The following NIPA1 variants were observed in gnomAD, a reference collection of about 807,000 sequenced individuals.
NIPA1 encodes magnesium transporter NIPA1.
Under a neutral mutation model 23.9 loss-of-function variants are expected in NIPA1, and 13 were observed. That is an observed-to-expected ratio of 0.54 (90% confidence interval 0.35 to 0.87). The LOEUF is 0.87. NIPA1 is among the 40% of genes least tolerant of loss of function. The pLI, the probability that NIPA1 is intolerant of heterozygous loss-of-function variation, is 0.01. For missense variants in NIPA1, 362 were observed against 429.7 expected (o/e 0.84, Z 1.39); for synonymous variants, 234 against 202.9 (o/e 1.15, Z -1.30).
chr15:22,808,593 G>T (rs1895259412), intron 1 of NIPA1, among the ~76,000 whole-genome samples: 1 of 151,952 alleles, frequency 6.6e-6, no homozygotes, highest in Non-Finnish European at 1.5e-5. Flanking sequence ...AGGTGACTCA[G>T]TAAATTTTCA....
At chr15:22,788,967 T>C (rs925898101) in intron 1 of NIPA1, among the ~76,000 whole-genome samples, 2 of 150,264 alleles carry the variant, frequency 1.3e-5, no homozygotes, top group African/African-American at 4.9e-5. Flanking sequence ...ACCTATATAC[T>C]ATGCTTTCAT....
At chr15:22,807,019 A>G (rs1895223753) in intron 1 of NIPA1, among the ~76,000 whole-genome samples, 1 of 152,142 alleles carries the variant, frequency 6.6e-6, no homozygotes, top group African/African-American at 2.4e-5. Flanking sequence ...ATTTTGCCTA[A>G]TACTGGTTTA....
At chr15:22,821,536 C>T (rs1456285859) in intron 4 of NIPA1, among the ~76,000 whole-genome samples, 1 of 151,634 alleles carries the variant, frequency 6.6e-6, no homozygotes, top group Non-Finnish European at 1.5e-5. Context: ...TGGTTTTGTC[C>T]ACACTCGGTG....
rs183901606 is a variant in NIPA1 at position 22,799,587 on chromosome 15, C to T, written c.179-11162C>T. On this transcript the variant is annotated intron_variant, in intron 1 of 4. Transcript: ENST00000337435. ...CACGAGGTCAGGAGATCGAGACCAT[C>T]CTGGCTAACACGGTGAAACCCCATC... Among the ~76,000 whole-genome samples the T allele has an allele frequency of 3.9e-3, 594 of 152,108 alleles. 6 individuals carry two copies. The highest frequency in any genetic ancestry group is 0.013 in the African/African-American group (560 of 41,484).
intron 1 of NIPA1, among the ~76,000 whole-genome samples, chr15:22,800,107 C>T (rs939638229): frequency 5.3e-5 from 8 of 151,826 alleles, no homozygotes; most frequent in East Asian, 1.9e-4. Context: ...AAGCCCAAAC[C>T]CCAGCATTGC....
intron 1 of NIPA1, among the ~76,000 whole-genome samples, chr15:22,794,850 G>A (rs1894908863): frequency 6.6e-6 from 1 of 152,088 alleles, no homozygotes; most frequent in Admixed American, 6.5e-5. Context: ...CCCCTTGTGT[G>A]TCTCCCTGGT....
intron 1 of NIPA1, among the ~76,000 whole-genome samples, chr15:22,805,098 C>G (rs1473136990): frequency 6.6e-6 from 1 of 152,088 alleles, no homozygotes; most frequent in Non-Finnish European, 1.5e-5. Context: ...CCTCAGCCTC[C>G]CAAAGTGCTG....
At position 22,825,309 on chromosome 15, in the gene NIPA1, G is replaced by C. The variant is rs1402758010; in HGVS notation, c.*1070G>C. On this transcript the variant is annotated 3_prime_UTR_variant, in exon 5 of 5. Coordinates refer to ENST00000337435, the MANE Select transcript of NIPA1 (RefSeq NM_144599.5). ...AAACTATGGTATTACAATGTTATGGGACCACCGTCATGTAAGTGGTATGTC... is the reference window on the plus strand; with the variant it reads ...AAACTATGGTATTACAATGTTATGGCACCACCGTCATGTAAGTGGTATGTC... 1 of 152,172 alleles carries C rather than the reference G, an allele frequency of 6.6e-6. No homozygotes were observed. Among genetic ancestry groups the C allele is most frequent in the East Asian group, 1.9e-4 (1 of 5,192 alleles). 9.4% of individuals were successfully genotyped at this position (152,172 alleles called of 1,614,324 possible).
chr15:22,803,503 C>CT (rs35223839), intron 1 of NIPA1, among the ~76,000 whole-genome samples: 11,880 of 69,548 alleles, frequency 0.17, 2,014 homozygotes, highest in African/African-American at 0.24. Flanking sequence ...TTAAAAGTGC[C>CT]TTTTTTTTTT....
At chr15:22,818,310 C>T (rs1338600213) in intron 3 of NIPA1, among the ~76,000 whole-genome samples, 1 of 151,832 alleles carries the variant, frequency 6.6e-6, no homozygotes, top group East Asian at 1.9e-4. Flanking sequence ...GTGGCACATG[C>T]CTGTAATCCC....
chr15:22,820,723 G>A (rs995089186), intron 4 of NIPA1, among the ~76,000 whole-genome samples: 3 of 151,998 alleles, frequency 2.0e-5, no homozygotes, highest in African/African-American at 7.2e-5. Context: ...GTATTCCTTC[G>A]GGTTCTCTTC....
chr15:22,810,889 C>T lies in NIPA1; in HGVS notation c.226+93C>T, dbSNP rs997449068. 3 of 995,482 alleles carry T rather than the reference C, an allele frequency of 3.0e-6. No individual in the cohort carries two copies. In the African/African-American group the frequency reaches 4.8e-5, roughly 16 times the overall value. 61.7% of individuals were successfully genotyped at this position (995,482 alleles called of 1,614,324 possible). A position where few individuals can be genotyped will look rare whatever the true frequency, so the allele number is the denominator to read the frequency against. ...CTGGAGTGGCTGGGCTAGGGTGGCTCTGTTCTTTGGAAGAGGGTGTCGCGT... is the reference window on the plus strand; with the variant it reads ...CTGGAGTGGCTGGGCTAGGGTGGCTTTGTTCTTTGGAAGAGGGTGTCGCGT... On this transcript the variant is annotated intron_variant, in intron 2 of 4. Coordinates refer to ENST00000337435, the MANE Select transcript of NIPA1 (RefSeq NM_144599.5).
chr15:22,797,935 C>T (rs1390307424), intron 1 of NIPA1, among the ~76,000 whole-genome samples: 1 of 151,504 alleles, frequency 6.6e-6, no homozygotes, highest in Non-Finnish European at 1.5e-5. Flanking sequence ...AGCTCCGCCT[C>T]CTGGGTTCAT....
At chr15:22,811,131 C>T (rs765930567) in intron 2 of NIPA1, 19 of 317,450 alleles carry the variant, frequency 6.0e-5, no homozygotes, top group East Asian at 1.3e-4. Flanking sequence ...CTCATGTAGT[C>T]GGGCTGTTGG....
In NIPA1 at chr15:22,786,838, G is replaced by GGGCGGGC. The variant is rs765730617; in HGVS notation, c.178+8_178+14dup. The GGGCGGGC allele has an allele frequency of 1.1e-5, 13 of 1,205,476 alleles. No homozygotes were observed. The highest frequency in any genetic ancestry group is 2.0e-5 in the South Asian group (1 of 49,632). The allele number at this position is 1,205,476 out of a possible 1,614,324, so 74.7% of individuals were successfully genotyped here. On this transcript the variant is annotated splice_donor_region_variant and intron_variant, in intron 1 of 4. Transcript: ENST00000337435. ...ATCGTGCGTGCCAAGCGGCGAGGTAGGGCGGGCGGCAGGCGGCAGGCGGCG... is the reference window on the plus strand; with the variant it reads ...ATCGTGCGTGCCAAGCGGCGAGGTAGGGCGGGCGGCGGGCGGCAGGCGGCAGGCGGCG...
intron 3 of NIPA1, among the ~76,000 whole-genome samples, chr15:22,818,392 C>T (rs748974642): frequency 1.1e-4 from 16 of 151,994 alleles, no homozygotes; most frequent in Middle Eastern, 3.4e-3. Context: ...GCCGAGATTG[C>T]GCCATTGCAC....
intron 1 of NIPA1, among the ~76,000 whole-genome samples, chr15:22,788,384 C>G (rs1321717751): frequency 1.3e-5 from 2 of 151,702 alleles, no homozygotes. Context: ...ACCTGTAGTA[C>G]CAGCTACTCG....
In NIPA1 at chr15:22,824,299, A is replaced by T. The variant is rs2140878181; in HGVS notation, c.*60A>T. 7.1e-7 allele frequency: 1 copy of T among 1,398,666 alleles called. No homozygotes were observed. The highest frequency in any genetic ancestry group is 1.2e-5 in the South Asian group (1 of 86,072). The allele number at this position is 1,398,666 out of a possible 1,614,324, so 86.6% of individuals were successfully genotyped here. A position where few individuals can be genotyped will look rare whatever the true frequency, so the allele number is the denominator to read the frequency against. On this transcript the variant is annotated 3_prime_UTR_variant, in exon 5 of 5. Coordinates refer to ENST00000337435, the MANE Select transcript of NIPA1 (RefSeq NM_144599.5). The surrounding 1 kb of genome is among the most constrained non-coding windows in gnomAD (Gnocchi z 4.1). Reference sequence around the variant, plus strand: ...GCATTGGAGGTGGTTTCTGGCCGTGATTGGATGTGAAGTAGAAGAGGTCCT... The same window carrying T: ...GCATTGGAGGTGGTTTCTGGCCGTGTTTGGATGTGAAGTAGAAGAGGTCCT...
intron 1 of NIPA1, 102 bp from the exon 2 acceptor site, chr15:22,810,647 A>G (rs1481388659): frequency 2.7e-6 from 2 of 753,984 alleles, no homozygotes; most frequent in African/African-American, 1.7e-5. Context: ...ATTCTTTTCA[A>G]TTTTAGTTTT....
Sources: allele counts gnomAD v4.1 joint callset (sites outside exome capture counted in the v4.1 genomes callset), GRCh38; gene constraint gnomAD v4.1.1; non-coding constraint Gnocchi (gnomAD v3.1); transcripts MANE v1.5; gene names NCBI Gene and HGNC (gene_info 2026-07-23, HGNC 2026-07-21).